The following LRMDA variants were observed in gnomAD, a reference collection of about 807,000 sequenced individuals.
LRMDA encodes the protein leucine rich melanocyte differentiation associated, also known as leucine-rich melanocyte differentiation-associated protein.
In LRMDA, 18 loss-of-function variants were observed where a neutral mutation model predicts 29.8. The observed-to-expected ratio is 0.60, with a 90% CI of 0.42 to 0.90. LRMDA has a LOEUF of 0.90. Ranked by LOEUF, LRMDA falls within the 40% of genes least tolerant of loss-of-function variation. The pLI is 0.00. For missense variants in LRMDA, 273 were observed against 273.9 expected, an observed-to-expected ratio of 1.00 and a Z score of 0.02; for synonymous variants, 125 against 109.4, an observed-to-expected ratio of 1.14 and a Z score of -0.89.
chr10:75,740,985 A>G (rs965820707), intron 2 of LRMDA, among the ~76,000 whole-genome samples: 4 of 152,304 alleles, frequency 2.6e-5, no homozygotes, highest in Non-Finnish European at 4.4e-5. Context: ...TTAAGTCACA[A>G]GAAGATCTCT....
At chr10:76,423,216 A>G (rs1842088441) in intron 6 of LRMDA, among the ~76,000 whole-genome samples, 1 of 152,136 alleles carries the variant, frequency 6.6e-6, no homozygotes, top group Non-Finnish European at 1.5e-5. Flanking sequence ...GTAACATGGC[A>G]AAACCCTGCC....
intron 2 of LRMDA, among the ~76,000 whole-genome samples, chr10:75,514,281 C>CCTT (rs1845263175): frequency 6.6e-6 from 1 of 150,954 alleles, no homozygotes. Flanking sequence ...CCTCCTTCTT[C>CCTT]CTTCCTCCTC....
chr10:76,120,444 T>C (rs1400514281), intron 5 of LRMDA, among the ~76,000 whole-genome samples: 1 of 152,132 alleles, frequency 6.6e-6, no homozygotes, highest in African/African-American at 2.4e-5. Context: ...TACCTTGACC[T>C]CCCAAAGTGC....
intron 2 of LRMDA, among the ~76,000 whole-genome samples, chr10:76,019,190 G>C (rs1234285227): frequency 1.3e-5 from 2 of 152,198 alleles, no homozygotes; most frequent in Non-Finnish European, 2.9e-5. Flanking sequence ...TAATATGGCT[G>C]TCACTCAGTA....
At chr10:75,566,732 T>C (rs1001954054) in intron 2 of LRMDA, among the ~76,000 whole-genome samples, 1 of 152,166 alleles carries the variant, frequency 6.6e-6, no homozygotes, top group African/African-American at 2.4e-5. Flanking sequence ...GACATTTCCA[T>C]TACTTTGTCT....
chr10:76,120,050 G>A (rs1849753294), intron 5 of LRMDA, among the ~76,000 whole-genome samples: 1 of 151,992 alleles, frequency 6.6e-6, no homozygotes, highest in Non-Finnish European at 1.5e-5. Flanking sequence ...CCAGATGCTG[G>A]AATCCTCATA....
chr10:76,453,696 A>G (rs1256960704), intron 6 of LRMDA, among the ~76,000 whole-genome samples: 1 of 152,220 alleles, frequency 6.6e-6, no homozygotes, highest in African/African-American at 2.4e-5. Context: ...TAAAAAATTT[A>G]TGTTTTAAAT....
chr10:75,702,906 G>A lies in LRMDA; in HGVS notation c.131+264412G>A, dbSNP rs1470846397. On this transcript the variant is annotated intron_variant, in intron 2 of 6. Transcript: ENST00000611255. ...CAACTGACTAGTAAGCACAGAAATG[G>A]GTCTCAGGACTACAGATATCAGCCC... 4.6e-5 allele frequency among the ~76,000 whole-genome samples: 7 copies of A among 152,090 alleles called. No homozygotes were observed. In the East Asian group the frequency reaches 1.3e-3, roughly 29 times the overall value.
intron 2 of LRMDA, among the ~76,000 whole-genome samples, chr10:75,810,012 G>A (rs1002741781): frequency 5.9e-5 from 9 of 152,144 alleles, no homozygotes; most frequent in Non-Finnish European, 1.2e-4. Flanking sequence ...CTCATGAAGC[G>A]GGCCCTGCCT....
At chr10:76,351,821 C>G (rs1179804684) in intron 6 of LRMDA, among the ~76,000 whole-genome samples, 1 of 152,046 alleles carries the variant, frequency 6.6e-6, no homozygotes, top group African/African-American at 2.4e-5. Context: ...AGAAACAGAA[C>G]TCACTAGGCC....
intron 6 of LRMDA, among the ~76,000 whole-genome samples, chr10:76,543,245 T>A (rs1843378541): frequency 6.6e-6 from 1 of 152,054 alleles, no homozygotes; most frequent in Non-Finnish European, 1.5e-5. Flanking sequence ...GGAGCTTTTA[T>A]TATACATTAG....
At chr10:75,558,784 T>C (rs865815606) in intron 2 of LRMDA, among the ~76,000 whole-genome samples, 1 of 149,426 alleles carries the variant, frequency 6.7e-6, no homozygotes, top group Admixed American at 6.7e-5. Flanking sequence ...ATGTGGTGTT[T>C]GGTTTTTTAT....
At chr10:75,889,021 G>C (rs1370012161) in intron 2 of LRMDA, among the ~76,000 whole-genome samples, 1 of 152,134 alleles carries the variant, frequency 6.6e-6, no homozygotes, top group Non-Finnish European at 1.5e-5. Flanking sequence ...ATAGTACAAA[G>C]ATATAAATGG....
chr10:75,652,303 C>G (rs943441229), intron 2 of LRMDA, among the ~76,000 whole-genome samples: 1 of 152,156 alleles, frequency 6.6e-6, no homozygotes, highest in Non-Finnish European at 1.5e-5. Flanking sequence ...GGCACTGAAG[C>G]AAAATGCTCA....
At chr10:76,421,490 C>G (rs1418447202) in intron 6 of LRMDA, among the ~76,000 whole-genome samples, 1 of 152,134 alleles carries the variant, frequency 6.6e-6, no homozygotes, top group South Asian at 2.1e-4. Flanking sequence ...GATATATAGA[C>G]TATTTAACAA....
At chr10:75,667,441 G>A (rs1446666772) in intron 2 of LRMDA, among the ~76,000 whole-genome samples, 2 of 152,142 alleles carry the variant, frequency 1.3e-5, no homozygotes, top group African/African-American at 2.4e-5. Context: ...TGGGACTATA[G>A]GCCTGTGCCA....
At chr10:75,973,410 GC>G (rs1425840195) in intron 2 of LRMDA, among the ~76,000 whole-genome samples, 1 of 150,864 alleles carries the variant, frequency 6.6e-6, no homozygotes, top group East Asian at 2.0e-4. Flanking sequence ...TGAGGCCTGT[GC>G]CCTTGTCCTT....
chr10:76,057,282 C>T (rs773290630), intron 4 of LRMDA, among the ~76,000 whole-genome samples: 1 of 152,194 alleles, frequency 6.6e-6, no homozygotes, highest in Admixed American at 6.5e-5. Context: ...TGTATAATTT[C>T]TGTTACACTG....
intron 6 of LRMDA, among the ~76,000 whole-genome samples, chr10:76,553,497 A>G (rs539372489): frequency 1.1e-4 from 16 of 152,338 alleles, no homozygotes; most frequent in East Asian, 1.9e-4. Context: ...GGCAGTTGCC[A>G]TGGCGGGAGA....
Sources: allele counts gnomAD v4.1 joint callset (sites outside exome capture counted in the v4.1 genomes callset), GRCh38; gene constraint gnomAD v4.1.1; transcripts MANE v1.5; gene names NCBI Gene and HGNC (gene_info 2026-07-23, HGNC 2026-07-21).